LRRC37A2: variants seen among roughly 807,000 people sequenced by gnomAD.
LRRC37A2 encodes the protein leucine rich repeat containing 37 member A2.
A neutral mutation model predicts 68.8 loss-of-function variants in LRRC37A2; 9 were observed. The ratio of observed to expected loss-of-function variants is 0.13; its 90% confidence interval spans 0.08 to 0.23. LRRC37A2 has a LOEUF of 0.23. LRRC37A2 is among the 10% of genes least tolerant of loss of function. LRRC37A2 has a pLI of 1.00. For synonymous variants in LRRC37A2, 63 were observed against 367.6 expected (o/e 0.17, Z 9.48); for missense variants, 168 against 950.4 (o/e 0.18, Z 10.82).
chr17:46,943,524 C>T, the LRRC37A2 span, among the ~76,000 whole-genome samples: 1 of 152,248 alleles, frequency 6.6e-6, no homozygotes, highest in Non-Finnish European at 1.5e-5. Context: ...GAAGCCTGCC[C>T]CTCCCCTCCA....
chr17:46,498,731 A>G, the LRRC37A2 span, among the ~76,000 whole-genome samples: 2 of 145,906 alleles, frequency 1.4e-5, no homozygotes, highest in South Asian at 4.2e-4. Flanking sequence ...TGGTAATACT[A>G]GAACTTCAGA....
the LRRC37A2 span, among the ~76,000 whole-genome samples, chr17:46,799,528 A>G: frequency 1.3e-5 from 2 of 149,238 alleles, no homozygotes; most frequent in African/African-American, 2.5e-5. Context: ...GCTAACTGCA[A>G]CCTCCGCCTC....
chr17:47,005,717 T>C, the LRRC37A2 span: 17 of 152,192 alleles, frequency 1.1e-4, no homozygotes, highest in Admixed American at 7.2e-4. Flanking sequence ...TAGCATAGAA[T>C]AGCTATTAAA....
At chr17:46,784,980 T>G in the LRRC37A2 span, among the ~76,000 whole-genome samples, 3 of 152,082 alleles carry the variant, frequency 2.0e-5, no homozygotes, top group Non-Finnish European at 1.5e-5. Flanking sequence ...GGTTTCACTG[T>G]GTTAGCCAGG....
chr17:46,605,308 C>T, the LRRC37A2 span, among the ~76,000 whole-genome samples: 6 of 62,982 alleles, frequency 9.5e-5, no homozygotes, highest in African/African-American at 2.0e-4. Context: ...ATTAGCCGGG[C>T]GTGGTGGTGC....
chr17:46,873,389 G>A, the LRRC37A2 span, among the ~76,000 whole-genome samples: 1 of 151,642 alleles, frequency 6.6e-6, no homozygotes, highest in Non-Finnish European at 1.5e-5. Flanking sequence ...ACCAGACCCA[G>A]CTACCCTCGG....
At chr17:46,839,684 TC>T in the LRRC37A2 span, among the ~76,000 whole-genome samples, 1 of 151,558 alleles carries the variant, frequency 6.6e-6, no homozygotes, top group Non-Finnish European at 1.5e-5. Context: ...CCTCCCCCAG[TC>T]CCCCCCGCCA....
At chr17:46,896,964 A>G in the LRRC37A2 span, among the ~76,000 whole-genome samples, 4 of 152,210 alleles carry the variant, frequency 2.6e-5, no homozygotes, top group African/African-American at 9.7e-5. Flanking sequence ...TCCAGCTTCA[A>G]GTCAAATGCT....
chr17:46,734,469 A>G, the LRRC37A2 span, among the ~76,000 whole-genome samples: 1 of 151,914 alleles, frequency 6.6e-6, no homozygotes, highest in South Asian at 2.1e-4. Flanking sequence ...TACTATATTT[A>G]TAATACTCTC....
At chr17:46,494,141 G>A in the LRRC37A2 span, among the ~76,000 whole-genome samples, 1 of 150,868 alleles carries the variant, frequency 6.6e-6, no homozygotes, top group Admixed American at 6.6e-5. Context: ...CACCATGCCT[G>A]GCCAATTTCT....
chr17:46,897,043 G>A, the LRRC37A2 span, among the ~76,000 whole-genome samples: 1 of 152,208 alleles, frequency 6.6e-6, no homozygotes, highest in Non-Finnish European at 1.5e-5. Context: ...GTGTGCCCCT[G>A]GAGGAGGTCG....
chr17:46,772,807 A>G, the LRRC37A2 span, among the ~76,000 whole-genome samples: 1 of 129,864 alleles, frequency 7.7e-6, no homozygotes, highest in East Asian at 2.4e-4. Context: ...CCTGAACGTC[A>G]GATCCCTTTT....
chr17:46,747,499 C>CA, the LRRC37A2 span, among the ~76,000 whole-genome samples: 1 of 152,124 alleles, frequency 6.6e-6, no homozygotes, highest in Admixed American at 6.5e-5. Flanking sequence ...AGACAAGTCT[C>CA]AAACTCCTGG....
At chr17:47,028,426 G>A in the LRRC37A2 span, 12 of 992,082 alleles carry the variant, frequency 1.2e-5, no homozygotes, top group African/African-American at 1.6e-4. Context: ...TACAATTATT[G>A]GGTAGCTGGG....
the LRRC37A2 span, among the ~76,000 whole-genome samples, chr17:46,872,945 A>T: frequency 6.6e-6 from 1 of 152,096 alleles, no homozygotes. Context: ...AATGAGGGGC[A>T]GTTGAAGGCC....
the LRRC37A2 span, chr17:46,764,602 C>T: frequency 6.6e-6 from 1 of 152,338 alleles, no homozygotes; most frequent in Non-Finnish European, 1.5e-5. Context: ...CAGCCACACA[C>T]TTCACCCCTT....
chr17:47,028,596 A>G, the LRRC37A2 span, among the ~76,000 whole-genome samples: 316 of 152,312 alleles, frequency 2.1e-3, 1 homozygote, highest in African/African-American at 7.3e-3. Context: ...AAGAAAAGGC[A>G]TCAAAGAGGT....
chr17:46,798,208 C>T, the LRRC37A2 span, among the ~76,000 whole-genome samples: 1 of 152,164 alleles, frequency 6.6e-6, no homozygotes, highest in African/African-American at 2.4e-5. Context: ...GGATCACAGG[C>T]ATGAGCCACT....
the LRRC37A2 span, among the ~76,000 whole-genome samples, chr17:46,741,832 T>A: frequency 6.6e-6 from 1 of 152,168 alleles, no homozygotes; most frequent in East Asian, 1.9e-4. Context: ...AGTGGCGCCA[T>A]CTCGGCTCAC....
Sources: allele counts gnomAD v4.1 joint callset (sites outside exome capture counted in the v4.1 genomes callset), GRCh38; gene constraint gnomAD v4.1.1; transcripts MANE v1.5; gene names NCBI Gene and HGNC (gene_info 2026-07-23, HGNC 2026-07-21).